Variants in FGD2 observed in about 807,000 individuals in gnomAD.
FGD2 encodes the protein FYVE, RhoGEF and PH domain-containing protein 2.
FGD2 carries 52 observed loss-of-function variants against 75.9 expected under a neutral mutation model. That is an observed-to-expected ratio of 0.69 (90% CI 0.55 to 0.86). FGD2 has a LOEUF of 0.86. Ranked by LOEUF, FGD2 falls within the 40% of genes least tolerant of loss-of-function variation. The pLI is 0.00. For synonymous variants in FGD2, 347 were observed against 348.6 expected (o/e 1.00, Z 0.05); for missense variants, 790 against 872.0 (o/e 0.91, Z 1.18).
At position 37,005,955 on chromosome 6, in the gene FGD2, C is replaced by A; in HGVS notation, c.68+70C>A. ...CCACCCTCCAGCCTTTCTGGCAGCT[C>A]TCTCCCTGGGCCCTGCCCCGGACCC... On this transcript the variant is annotated intron_variant, in intron 1 of 15. Coordinates refer to ENST00000274963, the MANE Select transcript of FGD2 (RefSeq NM_173558.4). The A allele has an allele frequency of 1.3e-6, 2 of 1,557,808 alleles. 1 individual carries two copies. Among genetic ancestry groups the A allele is most frequent in the African/African-American group, 2.7e-5 (2 of 74,140 alleles).
intron 4 of FGD2, 117 bp from the exon 5 acceptor site, chr6:37,013,492 C>A: frequency 6.7e-7 from 1 of 1,490,084 alleles, no homozygotes; most frequent in East Asian, 2.4e-5. Context: ...CGCCCACACC[C>A]AGAATTGCCG....
rs1443297349 is a variant in FGD2 at position 37,028,579 on chromosome 6, C to T, written c.*416C>T. ...AATGCCTGTACTGAAGTACCACCAC[C>T]GATTTAAATGGGCTGAGTTGGGGGA... On this transcript the variant is annotated 3_prime_UTR_variant, in exon 16 of 16. Transcript: ENST00000274963. 1 of 147,338 alleles carries T rather than the reference C, an allele frequency of 6.8e-6. No homozygotes were observed. The highest frequency in any genetic ancestry group is 1.5e-5 in the Non-Finnish European group (1 of 68,954). The allele number at this position is 147,338 out of a possible 1,614,324, so 9.1% of individuals were successfully genotyped here. A position where few individuals can be genotyped will look rare whatever the true frequency, so the allele number is the denominator to read the frequency against.
chr6:37,014,248 C>A, intron 6 of FGD2, 148 bp downstream of exon 6: 1 of 977,886 alleles, frequency 1.0e-6, no homozygotes, highest in Non-Finnish European at 1.5e-6. Flanking sequence ...TACCATTAGC[C>A]ATTTTTCACA....
intron 14 of FGD2, 71 bp downstream of exon 14, chr6:37,026,009 G>A: frequency 3.2e-6 from 5 of 1,575,098 alleles, no homozygotes; most frequent in Admixed American, 1.8e-5. Flanking sequence ...AACCATGCTG[G>A]GCTGACACTG....
chr6:37,019,214 C>T (rs1765448447), intron 9 of FGD2, among the ~76,000 whole-genome samples: 1 of 152,194 alleles, frequency 6.6e-6, no homozygotes, highest in Non-Finnish European at 1.5e-5. Flanking sequence ...TCCTAACTGG[C>T]CTTTGGGCTA....
chr6:37,009,555 A>T (rs555304382), intron 2 of FGD2: 1 of 152,904 alleles, frequency 6.5e-6, no homozygotes, highest in Admixed American at 6.5e-5. Flanking sequence ...GATACTGTGC[A>T]CCCAAATTCC....
intron 3 of FGD2, 37 bp downstream of exon 3, chr6:37,011,087 C>G: frequency 6.3e-7 from 1 of 1,594,772 alleles, no homozygotes; most frequent in Non-Finnish European, 8.6e-7. Flanking sequence ...GAGCCCCAGC[C>G]CTGGGTCTCC....
At chr6:37,027,833 A>G (rs1765901397) in intron 15 of FGD2, 115 bp from the exon 16 acceptor site, 1 of 1,240,338 alleles carries the variant, frequency 8.1e-7, no homozygotes, top group Non-Finnish European at 1.1e-6. Context: ...CCCACCCCCA[A>G]CCCATGGGGG....
intron 11 of FGD2, 48 bp downstream of exon 11, chr6:37,020,787 T>G (rs199576667): frequency 1.3e-6 from 2 of 1,548,598 alleles, no homozygotes; most frequent in East Asian, 4.9e-5. Flanking sequence ...CTTTCTTTCT[T>G]TTTTCTTTTT....
chr6:37,028,216 TG>T lies in FGD2; in HGVS notation c.*54del. ...CTCTCCCCACCCTGAACCCAGCTCCTGCCACAGACTGACCCTGTGGCCTCAG... is the reference window on the plus strand; with the variant it reads ...CTCTCCCCACCCTGAACCCAGCTCCTCCACAGACTGACCCTGTGGCCTCAG... On this transcript the variant is annotated 3_prime_UTR_variant, in exon 16 of 16. Transcript: ENST00000274963. The T allele has an allele frequency of 6.9e-7, 1 of 1,448,514 alleles. No individual in the cohort carries two copies. The highest frequency in any genetic ancestry group is 9.2e-7 in the Non-Finnish European group (1 of 1,091,628). The allele number at this position is 1,448,514 out of a possible 1,614,324, so 89.7% of individuals were successfully genotyped here.
At position 37,013,869 on chromosome 6, in the gene FGD2, T is replaced by C. The variant is rs987738505; in HGVS notation, c.685-93T>C. Reference sequence around the variant, plus strand: ...CATCTCCCAGGCTCAGCTGCTTCCATAGGCCCCTGCCTACTCGTCCGGCCC... The same window carrying C: ...CATCTCCCAGGCTCAGCTGCTTCCACAGGCCCCTGCCTACTCGTCCGGCCC... On this transcript the variant is annotated intron_variant, in intron 5 of 15. Transcript: ENST00000274963. The C allele has an allele frequency of 1.2e-5, 19 of 1,583,622 alleles. No individual in the cohort carries two copies. In the East Asian group the frequency reaches 2.7e-4, roughly 22 times the overall value.
rs775453947 is a variant in FGD2, at chr6:37,015,025, G to A, written c.1016G>A (p.Arg339His). 32 of 1,613,398 alleles carry A rather than the reference G, an allele frequency of 2.0e-5. No individual in the cohort carries two copies. In the Admixed American group the frequency reaches 3.2e-4, roughly 16 times the overall value. ...TTCCGCCGCAACGACCCCATGGAGCGCTACCTTTTCTTGGTAAGAGGGTGC... is the reference window on the plus strand; with the variant it reads ...TTCCGCCGCAACGACCCCATGGAGCACTACCTTTTCTTGGTAAGAGGGTGC... Reference protein sequence around the residue: ...ISFRRNDPMERYLFLFNNMLL... With the variant: ...ISFRRNDPMEHYLFLFNNMLL... Residue 339 changes from arginine (R) to histidine (H), a missense_variant, in exon 8 of 16, where the codon CGC becomes CAC. Transcript: ENST00000274963.
chr6:37,015,670 G>A, intron 8 of FGD2, 98 bp from the exon 9 acceptor site: 1 of 1,077,948 alleles, frequency 9.3e-7, no homozygotes, highest in Non-Finnish European at 1.4e-6. Flanking sequence ...AGCGGGTCCA[G>A]TGGTGCTCAG....
chr6:37,007,529 T>TG (rs1764810646), intron 1 of FGD2, among the ~76,000 whole-genome samples: 1 of 152,210 alleles, frequency 6.6e-6, no homozygotes, highest in Non-Finnish European at 1.5e-5. Context: ...GCAATAACCC[T>TG]GGCAGGAGTG....
At chr6:37,016,363 G>A (rs1469386590) in intron 9 of FGD2, among the ~76,000 whole-genome samples, 1 of 152,120 alleles carries the variant, frequency 6.6e-6, no homozygotes, top group African/African-American at 2.4e-5. Context: ...CACGTTTTGA[G>A]TAGGAAAGGT....
chr6:37,013,051 A>G (rs1765101230), intron 4 of FGD2: 1 of 123,844 alleles, frequency 8.1e-6, no homozygotes, highest in South Asian at 2.4e-4. Flanking sequence ...AGGGGCATGG[A>G]ATGAGGTTTC....
At chr6:37,022,074 C>G (rs1765612561) in intron 12 of FGD2, 165 bp from the exon 13 acceptor site, 3 of 913,254 alleles carry the variant, frequency 3.3e-6, no homozygotes, top group East Asian at 2.9e-5. Flanking sequence ...ACTAACGTAT[C>G]ATAAGGTCTC....
intron 13 of FGD2, 29 bp from the exon 14 acceptor site, chr6:37,025,763 C>A (rs755365576): frequency 2.5e-6 from 4 of 1,613,474 alleles, no homozygotes; most frequent in Non-Finnish European, 2.5e-6. Flanking sequence ...CTGGTCTCAG[C>A]CCCATGCCCC....
At position 37,009,031 on chromosome 6, in the gene FGD2, G is replaced by C; in HGVS notation, c.266G>C (p.Cys89Ser). 6.2e-7 allele frequency: 1 copy of C among 1,614,236 alleles called. No individual in the cohort carries two copies. The highest frequency in any genetic ancestry group is 8.5e-7 in the Non-Finnish European group (1 of 1,180,042). The change falls in exon 2 of 16, where the codon TGC becomes TCC. Residue 89 changes from cysteine to serine, a missense_variant. Coordinates refer to ENST00000274963, the MANE Select transcript of FGD2 (RefSeq NM_173558.4). Reference sequence around the variant, plus strand: ...TCCAGCGAAGCCTGGAGGAAATCTTGCCAGCCTGTGACCCTCTCAGGATCG... The same window carrying C: ...TCCAGCGAAGCCTGGAGGAAATCTTCCCAGCCTGTGACCCTCTCAGGATCG... Reference protein sequence around the residue: ...KLSSEAWRKSCQPVTLSGSGT... With the variant: ...KLSSEAWRKSSQPVTLSGSGT...
Sources: gnomAD v4.1 joint callset for allele counts (sites outside exome capture counted in the v4.1 genomes callset) on GRCh38, gnomAD v4.1.1 for gene constraint, MANE v1.5 for transcripts, NCBI Gene and HGNC (gene_info 2026-07-23, HGNC 2026-07-21) for gene names.